Variants in RBFOX1 observed in about 807,000 individuals in gnomAD.
RBFOX1 encodes the protein RNA binding protein fox-1 homolog 1.
Under a neutral mutation model 57.7 loss-of-function variants are expected in RBFOX1, and 8 were observed. That is an observed-to-expected ratio of 0.14 (90% CI 0.08 to 0.25). RBFOX1 has a LOEUF of 0.25. Ranked by LOEUF, RBFOX1 falls within the 10% of genes least tolerant of loss-of-function variation. The pLI, the probability that RBFOX1 is intolerant of heterozygous loss-of-function variation, is 1.00. For missense variants in RBFOX1, 611 were observed against 548.5 expected (o/e 1.11, Z -1.14); for synonymous variants, 326 against 222.4 (o/e 1.47, Z -4.15).
intron 4 of RBFOX1, among the ~76,000 whole-genome samples, chr16:7,055,498 T>C (rs1204806789): frequency 6.6e-6 from 1 of 152,134 alleles, no homozygotes; most frequent in Non-Finnish European, 1.5e-5. Flanking sequence ...ATCTACCCCA[T>C]ATCACGTTCT....
At chr16:6,724,041 C>A (rs376204220) in intron 3 of RBFOX1, among the ~76,000 whole-genome samples, 3 of 151,966 alleles carry the variant, frequency 2.0e-5, no homozygotes, top group East Asian at 3.9e-4. Flanking sequence ...TATTTGTGTA[C>A]CCTGAACATT....
At chr16:7,694,551 A>G (rs1043325000) in intron 14 of RBFOX1, among the ~76,000 whole-genome samples, 1 of 152,212 alleles carries the variant, frequency 6.6e-6, no homozygotes, top group Non-Finnish European at 1.5e-5. Context: ...ACATTTTAAA[A>G]CAATGGTATA....
chr16:5,751,453 C>A (rs1364720670), intron 3 of RBFOX1, among the ~76,000 whole-genome samples: 2 of 152,160 alleles, frequency 1.3e-5, no homozygotes, highest in Non-Finnish European at 2.9e-5. Context: ...GTTAATACAT[C>A]CACTGTAGAC....
At chr16:7,402,698 G>T in intron 4 of RBFOX1, among the ~76,000 whole-genome samples, 1 of 152,140 alleles carries the variant, frequency 6.6e-6, no homozygotes, top group African/African-American at 2.4e-5. Context: ...GACAGCCACT[G>T]GCACCTAATA....
intron 4 of RBFOX1, among the ~76,000 whole-genome samples, chr16:7,323,747 G>A (rs1183483244): frequency 1.3e-5 from 2 of 152,218 alleles, no homozygotes; most frequent in Non-Finnish European, 2.9e-5. Context: ...CACATAGTAA[G>A]CATTGAATAA....
chr16:6,980,558 T>G (rs144800810), intron 3 of RBFOX1, among the ~76,000 whole-genome samples: 15 of 152,170 alleles, frequency 9.9e-5, no homozygotes, highest in Non-Finnish European at 2.1e-4. Flanking sequence ...GACATGAGAA[T>G]CAAAAGCGAG....
chr16:5,689,228 G>C (rs1427524549), intron 3 of RBFOX1, among the ~76,000 whole-genome samples: 1 of 152,196 alleles, frequency 6.6e-6, no homozygotes, highest in East Asian at 1.9e-4. Flanking sequence ...TTGCTTATCA[G>C]CTCCATCACT....
intron 5 of RBFOX1, 65 bp downstream of exon 5, chr16:7,518,454 A>G: frequency 6.5e-7 from 1 of 1,536,756 alleles, no homozygotes. Flanking sequence ...TGGTAATGGC[A>G]GCGGGGGTGC....
At chr16:7,166,405 A>G (rs925115056) in intron 4 of RBFOX1, among the ~76,000 whole-genome samples, 5 of 152,162 alleles carry the variant, frequency 3.3e-5, no homozygotes, top group African/African-American at 1.2e-4. Context: ...GTTGTAAGGA[A>G]AGATAGAAAA....
chr16:5,454,854 T>TTTTC (rs200680272), intron 1 of RBFOX1, among the ~76,000 whole-genome samples: 2,059 of 67,454 alleles, frequency 0.031, 83 homozygotes, highest in South Asian at 0.057. Flanking sequence ...TCTTTCTTTC[T>TTTTC]TTTCTTTCTT....
chr16:7,162,557 C>G (rs1019767098), intron 4 of RBFOX1, among the ~76,000 whole-genome samples: 2 of 143,852 alleles, frequency 1.4e-5, no homozygotes, highest in African/African-American at 5.4e-5. Context: ...TGGTGAAACC[C>G]TGTCTCTACT....
At chr16:6,827,406 G>C (rs1239347871) in intron 3 of RBFOX1, among the ~76,000 whole-genome samples, 2 of 152,140 alleles carry the variant, frequency 1.3e-5, no homozygotes, top group African/African-American at 4.8e-5. Context: ...GAGGGGAAGT[G>C]CTTATAGGGA....
rs74012718 is a variant in RBFOX1, at chr16:7,191,871, G to A, written c.27+139773G>A. ...TTATTAACCATCACCAGGCAACTTT[G>A]AGGCAGAATGTAAGCCTTGGGAATG... On this transcript the variant is annotated intron_variant, in intron 4 of 15. Coordinates refer to ENST00000550418, the MANE Select transcript of RBFOX1 (RefSeq NM_018723.4). Among the ~76,000 whole-genome samples the A allele has an allele frequency of 5.6e-3, 852 of 152,324 alleles. 8 individuals are homozygous for A. The highest frequency in any genetic ancestry group is 0.019 in the African/African-American group (808 of 41,580).
chr16:6,906,640 C>T (rs907591796), intron 3 of RBFOX1, among the ~76,000 whole-genome samples: 3 of 151,884 alleles, frequency 2.0e-5, no homozygotes, highest in Non-Finnish European at 4.4e-5. Flanking sequence ...ACAGGAACAG[C>T]GTTTTCTTCA....
chr16:6,884,024 G>A (rs570875929), intron 3 of RBFOX1, among the ~76,000 whole-genome samples: 1 of 152,232 alleles, frequency 6.6e-6, no homozygotes, highest in East Asian at 1.9e-4. Context: ...GGTGTTTTTT[G>A]TTCTTCTGAC....
intron 4 of RBFOX1, among the ~76,000 whole-genome samples, chr16:7,479,130 A>G (rs2063354254): frequency 6.8e-6 from 1 of 147,226 alleles, no homozygotes; most frequent in Admixed American, 7.0e-5. Flanking sequence ...TTTTTTTTTA[A>G]TTTTAATTTT....
At chr16:5,881,094 C>A (rs756377953) in intron 4 of RBFOX1, among the ~76,000 whole-genome samples, 1 of 152,118 alleles carries the variant, frequency 6.6e-6, no homozygotes, top group South Asian at 2.1e-4. Flanking sequence ...TAGTGAAAAT[C>A]AAGTTTTATT....
chr16:6,175,387 G>A (rs1033220682), intron 1 of RBFOX1, among the ~76,000 whole-genome samples: 3 of 152,056 alleles, frequency 2.0e-5, no homozygotes, highest in East Asian at 3.9e-4. Flanking sequence ...TTTATGATGC[G>A]CATTAGTATG....
chr16:6,986,410 G>T (rs903933743), intron 3 of RBFOX1, among the ~76,000 whole-genome samples: 4 of 151,936 alleles, frequency 2.6e-5, no homozygotes, highest in African/African-American at 9.7e-5. Context: ...TGTTGGCCAG[G>T]CTGGTCTGGA....
Sources: gnomAD v4.1 joint callset for allele counts (sites outside exome capture counted in the v4.1 genomes callset) on GRCh38, gnomAD v4.1.1 for gene constraint, MANE v1.5 for transcripts, NCBI Gene and HGNC (gene_info 2026-07-23, HGNC 2026-07-21) for gene names.